The following ANKRD29 variants were observed in gnomAD, a reference collection of about 807,000 sequenced individuals.
The protein encoded by ANKRD29 is ankyrin repeat domain-containing protein 29.
A neutral mutation model predicts 38.0 loss-of-function variants in ANKRD29; 32 were observed. The observed-to-expected ratio is 0.84, with a 90% confidence interval of 0.64 to 1.13. The LOEUF is 1.13. ANKRD29 is among the 50% of genes most tolerant of loss of function. ANKRD29 has a pLI of 0.00. For synonymous variants in ANKRD29, 135 were observed against 152.4 expected (o/e 0.89, Z 0.84); for missense variants, 357 against 377.9 (o/e 0.94, Z 0.46).
chr18:23,607,611 C>T (rs2059589638), intron 9 of ANKRD29, among the ~76,000 whole-genome samples: 1 of 152,190 alleles, frequency 6.6e-6, no homozygotes, highest in Non-Finnish European at 1.5e-5. Context: ...TTTGGTCATT[C>T]ACATCACCAT....
chr18:23,638,228 C>T (rs540757823), intron 4 of ANKRD29, among the ~76,000 whole-genome samples: 1 of 152,056 alleles, frequency 6.6e-6, no homozygotes, highest in Non-Finnish European at 1.5e-5. Context: ...TCTCGAACTC[C>T]TAACCTCGTG....
Position 23,619,583 on chromosome 18 carries a change from T to TGGGA in ANKRD29, c.574_575insTCCC (p.Glu192ValfsTer34), listed in dbSNP as rs2059770191. 1 of 1,597,458 alleles carries TGGGA rather than the reference T, an allele frequency of 6.3e-7. No homozygotes were observed. Among genetic ancestry groups the TGGGA allele is most frequent in the Non-Finnish European group, 8.5e-7 (1 of 1,179,054 alleles). On this transcript the variant is annotated frameshift_variant, in exon 7 of 10. Transcript: ENST00000592179. LOFTEE classifies it high-confidence loss of function. The stretch of plus-strand genomic sequence containing the variant: ...GCGCAGCAGCATCACCCGCACCACC[T>TGGGA]CGCTGTGGCCCATCTGGGACGCGAT...
intron 8 of ANKRD29, 107 bp from the exon 9 acceptor site, chr18:23,612,297 G>T (rs1652366): frequency 0.48 from 438,414 of 920,806 alleles, 117,180 homozygotes; most frequent in East Asian, 0.88. Context: ...CCTCATACCC[G>T]TAACCTTCCT....
At chr18:23,627,031 CCTATAGAATA>C (rs1341294220) in intron 6 of ANKRD29, among the ~76,000 whole-genome samples, 4 of 152,204 alleles carry the variant, frequency 2.6e-5, no homozygotes, top group Non-Finnish European at 4.4e-5. Context: ...AAATGCTCTA[CCTATAGAATA>C]TAGGTAGGCC....
intron 3 of ANKRD29, among the ~76,000 whole-genome samples, chr18:23,640,451 A>G (rs543507675): frequency 1.3e-5 from 2 of 152,330 alleles, no homozygotes; most frequent in Admixed American, 1.3e-4. Context: ...CAAATTACAA[A>G]TTTTAGCGCC....
At chr18:23,633,951 A>T in intron 5 of ANKRD29, 100 bp downstream of exon 5, 1 of 1,194,314 alleles carries the variant, frequency 8.4e-7, no homozygotes, top group Non-Finnish European at 1.2e-6. Context: ...CCTACTGTCC[A>T]TTAAAGTATT....
chr18:23,660,824 A>G (rs1395657574), intron 1 of ANKRD29, among the ~76,000 whole-genome samples: 1 of 152,146 alleles, frequency 6.6e-6, no homozygotes, highest in African/African-American at 2.4e-5. Flanking sequence ...CAAACAAACT[A>G]ACAAAAATCT....
chr18:23,626,242 A>T (rs1383127793), intron 6 of ANKRD29, among the ~76,000 whole-genome samples: 4 of 152,152 alleles, frequency 2.6e-5, no homozygotes, highest in Non-Finnish European at 5.9e-5. Flanking sequence ...CTGTTAGGAG[A>T]TGGCACTTTA....
intron 8 of ANKRD29, among the ~76,000 whole-genome samples, chr18:23,614,412 T>G (rs2059685310): frequency 6.6e-6 from 1 of 152,212 alleles, no homozygotes; most frequent in Non-Finnish European, 1.5e-5. Context: ...GACTATATTT[T>G]GCAAAGTCCA....
chr18:23,633,858 C>T (rs1363520647), intron 5 of ANKRD29, among the ~76,000 whole-genome samples, 193 bp downstream of exon 5: 4 of 150,380 alleles, frequency 2.7e-5, no homozygotes, highest in Admixed American at 2.0e-4. Flanking sequence ...CGTGAACCAC[C>T]GCGCCCGGCC....
intron 1 of ANKRD29, among the ~76,000 whole-genome samples, chr18:23,651,556 C>T (rs955743228): frequency 1.3e-5 from 2 of 152,230 alleles, no homozygotes; most frequent in East Asian, 1.9e-4. Context: ...CAGGGAACAG[C>T]TCTGCTAGCT....
chr18:23,612,064 A>T (rs999442356), intron 9 of ANKRD29, 28 bp downstream of exon 9: 1 of 1,605,068 alleles, frequency 6.2e-7, no homozygotes, highest in Admixed American at 1.7e-5. Context: ...ATGGGCCCAA[A>T]CGAGTTAAAA....
intron 5 of ANKRD29, 46 bp from the exon 6 acceptor site, chr18:23,629,997 C>G: frequency 6.5e-7 from 1 of 1,534,320 alleles, no homozygotes; most frequent in Admixed American, 1.8e-5. Flanking sequence ...ATCTTTCACA[C>G]TTATTTTAAA....
chr18:23,612,037 C>A (rs2059648862), intron 9 of ANKRD29, 55 bp downstream of exon 9: 3 of 1,509,418 alleles, frequency 2.0e-6, no homozygotes, highest in Admixed American at 3.4e-5. Context: ...TCCTTCCTGG[C>A]CTAGGAGGAC....
At chr18:23,634,286 T>G (rs1163048401) in intron 4 of ANKRD29, 137 bp from the exon 5 acceptor site, 381 of 132,862 alleles carry the variant, frequency 2.9e-3, no homozygotes, top group South Asian at 9.2e-3. Flanking sequence ...CTGTTTTTTT[T>G]TTTTTTTTTT....
intron 1 of ANKRD29, among the ~76,000 whole-genome samples, chr18:23,651,550 G>A (rs1166461348): frequency 6.6e-6 from 1 of 152,212 alleles, no homozygotes; most frequent in Admixed American, 6.5e-5. Context: ...ATGCACCAGG[G>A]AACAGCTCTG....
chr18:23,616,564 AC>A (rs1568013677), intron 8 of ANKRD29, among the ~76,000 whole-genome samples: 6 of 137,676 alleles, frequency 4.4e-5, no homozygotes, highest in Non-Finnish European at 6.0e-5. Context: ...ATATATATAT[AC>A]ACTATATATA....
chr18:23,622,032 T>C (rs1488465907), intron 6 of ANKRD29, among the ~76,000 whole-genome samples: 1 of 152,024 alleles, frequency 6.6e-6, no homozygotes, highest in Admixed American at 6.6e-5. Flanking sequence ...CATGGAGGTT[T>C]CCATACGACT....
At chr18:23,655,900 C>T (rs1474438120) in intron 1 of ANKRD29, among the ~76,000 whole-genome samples, 31 of 149,188 alleles carry the variant, frequency 2.1e-4, no homozygotes, top group East Asian at 2.0e-4. Flanking sequence ...GAGACCATCC[C>T]GGCTAAAACG....
Sources: allele counts gnomAD v4.1 joint callset (sites outside exome capture counted in the v4.1 genomes callset), GRCh38; gene constraint gnomAD v4.1.1; transcripts MANE v1.5; gene names NCBI Gene and HGNC (gene_info 2026-07-23, HGNC 2026-07-21).